The following CSNK1G3 variants were observed in gnomAD, a reference collection of about 807,000 sequenced individuals.
CSNK1G3 encodes casein kinase I isoform gamma-3.
A neutral mutation model predicts 64.3 loss-of-function variants in CSNK1G3; 23 were observed. The ratio of observed to expected loss-of-function variants is 0.36; its 90% confidence interval spans 0.26 to 0.51. The LOEUF is 0.51. Ranked by LOEUF, CSNK1G3 falls within the 20% of genes least tolerant of loss-of-function variation. The probability of loss-of-function intolerance (pLI) is 0.96; values close to 1 mark genes in which losing one functional copy is unlikely to be tolerated. For synonymous variants in CSNK1G3, 158 were observed against 162.2 expected (o/e 0.97, Z 0.20); for missense variants, 357 against 510.5 (o/e 0.70, Z 2.90).
intron 4 of CSNK1G3, among the ~76,000 whole-genome samples, chr5:123,566,043 A>G (rs775292626): frequency 6.6e-6 from 1 of 152,206 alleles, no homozygotes; most frequent in Non-Finnish European, 1.5e-5. Flanking sequence ...TATTACTGTG[A>G]AATGGATCAT....
chr5:123,517,446 C>T (rs915327550), intron 1 of CSNK1G3, among the ~76,000 whole-genome samples: 2 of 151,756 alleles, frequency 1.3e-5, no homozygotes, highest in African/African-American at 4.8e-5. Flanking sequence ...AACCAATTGG[C>T]TACTTTGAAA....
intron 6 of CSNK1G3, among the ~76,000 whole-genome samples, chr5:123,587,613 A>G (rs1197603076): frequency 6.6e-6 from 1 of 152,210 alleles, no homozygotes; most frequent in Non-Finnish European, 1.5e-5. Context: ...TGTTTAATTT[A>G]ATGGAGAGTA....
intron 10 of CSNK1G3, among the ~76,000 whole-genome samples, chr5:123,592,688 A>C (rs552432542): frequency 3.3e-5 from 5 of 152,064 alleles, no homozygotes; most frequent in African/African-American, 1.2e-4. Flanking sequence ...ACTTGTTAAA[A>C]ATCATAGCAA....
At chr5:123,600,647 G>T (rs932395361) in intron 10 of CSNK1G3, among the ~76,000 whole-genome samples, 9 of 150,496 alleles carry the variant, frequency 6.0e-5, no homozygotes, top group African/African-American at 1.5e-4. Context: ...AAGAAAGAAA[G>T]AAATTAGGAA....
chr5:123,550,662 T>C (rs1476531989), intron 2 of CSNK1G3, among the ~76,000 whole-genome samples: 1 of 152,202 alleles, frequency 6.6e-6, no homozygotes, highest in African/African-American at 2.4e-5. Flanking sequence ...GCACAATGCT[T>C]TACTGGAAAT....
intron 10 of CSNK1G3, among the ~76,000 whole-genome samples, chr5:123,596,327 C>T (rs962725668): frequency 6.6e-6 from 1 of 152,018 alleles, no homozygotes; most frequent in Admixed American, 6.6e-5. Flanking sequence ...GACTTCAATT[C>T]ATATAGTTAG....
chr5:123,597,611 A>G (rs1424272503), intron 10 of CSNK1G3, among the ~76,000 whole-genome samples: 1 of 152,094 alleles, frequency 6.6e-6, no homozygotes, highest in African/African-American at 2.4e-5. Context: ...ATCCTCAGGT[A>G]TTTATTTCAC....
At chr5:123,575,702 C>T in intron 5 of CSNK1G3, 27 bp from the exon 6 acceptor site, 1 of 1,489,648 alleles carries the variant, frequency 6.7e-7, no homozygotes, top group Non-Finnish European at 9.3e-7. Flanking sequence ...CAAAATAAAA[C>T]TTCTCTTCTT....
At chr5:123,606,148 G>A (rs1050699612) in intron 12 of CSNK1G3, among the ~76,000 whole-genome samples, 4 of 151,916 alleles carry the variant, frequency 2.6e-5, no homozygotes, top group African/African-American at 9.7e-5. Context: ...GGAAACTTTT[G>A]TGGATTTTTT....
chr5:123,542,547 A>C (rs1252673826), intron 1 of CSNK1G3, among the ~76,000 whole-genome samples: 1 of 152,162 alleles, frequency 6.6e-6, no homozygotes, highest in African/African-American at 2.4e-5. Context: ...GCTGGCAACT[A>C]ATTCTTAGCT....
At chr5:123,567,420 G>A (rs1380334982) in intron 4 of CSNK1G3, among the ~76,000 whole-genome samples, 3 of 152,080 alleles carry the variant, frequency 2.0e-5, no homozygotes, top group African/African-American at 7.2e-5. Context: ...GGCCAACATA[G>A]GGAAACCCTG....
intron 4 of CSNK1G3, among the ~76,000 whole-genome samples, chr5:123,564,841 A>G (rs1406110931): frequency 1.3e-5 from 2 of 152,190 alleles, no homozygotes; most frequent in Non-Finnish European, 2.9e-5. Context: ...TACCAAGTCC[A>G]TAATTCAGTT....
chr5:123,514,251 A>G (rs1282677980), intron 1 of CSNK1G3, among the ~76,000 whole-genome samples: 1 of 152,182 alleles, frequency 6.6e-6, no homozygotes, highest in African/African-American at 2.4e-5. Context: ...CTGATGATTT[A>G]TTATAGTCAT....
chr5:123,608,852 A>T (rs941135954), intron 12 of CSNK1G3, among the ~76,000 whole-genome samples: 1 of 152,164 alleles, frequency 6.6e-6, no homozygotes. Flanking sequence ...AGGGTTAAGG[A>T]TCATTGGTCT....
intron 4 of CSNK1G3, among the ~76,000 whole-genome samples, chr5:123,565,254 G>C (rs1786619728): frequency 6.6e-6 from 1 of 152,028 alleles, no homozygotes; most frequent in African/African-American, 2.4e-5. Flanking sequence ...GAATGAGAGT[G>C]AAAAAAACAT....
intron 4 of CSNK1G3, among the ~76,000 whole-genome samples, chr5:123,558,784 A>AAAT (rs1476012189): frequency 6.6e-6 from 1 of 152,228 alleles, no homozygotes; most frequent in Non-Finnish European, 1.5e-5. Flanking sequence ...ATTATATGTG[A>AAAT]AACTATACAT....
intron 1 of CSNK1G3, among the ~76,000 whole-genome samples, chr5:123,533,749 C>T (rs963985659): frequency 6.4e-4 from 97 of 151,778 alleles, no homozygotes; most frequent in Non-Finnish European, 1.1e-3. Context: ...TCAATTTTTG[C>T]TGCTGTTTTT....
At chr5:123,536,378 T>C in intron 1 of CSNK1G3, among the ~76,000 whole-genome samples, 1 of 151,488 alleles carries the variant, frequency 6.6e-6, no homozygotes, top group Middle Eastern at 3.4e-3. Context: ...ACATGAAAAT[T>C]TGCCAAAAGA....
intron 10 of CSNK1G3, among the ~76,000 whole-genome samples, chr5:123,600,351 C>T (rs998842042): frequency 2.0e-5 from 3 of 151,962 alleles, no homozygotes; most frequent in Non-Finnish European, 4.4e-5. Flanking sequence ...ACAGGAGGGG[C>T]GTGGTGGCTC....
Sources: gnomAD v4.1 joint callset for allele counts (sites outside exome capture counted in the v4.1 genomes callset) on GRCh38, gnomAD v4.1.1 for gene constraint, MANE v1.5 for transcripts, NCBI Gene and HGNC (gene_info 2026-07-23, HGNC 2026-07-21) for gene names.